The following RNASEK variants were observed in gnomAD, a reference collection of about 807,000 sequenced individuals.
RNASEK encodes ribonuclease kappa.
Under a neutral mutation model 11.2 loss-of-function variants are expected in RNASEK, and 7 were observed. The ratio of observed to expected loss-of-function variants is 0.62; its 90% CI spans 0.35 to 1.17. RNASEK has a LOEUF of 1.17. Ranked by LOEUF, RNASEK falls within the 50% of genes most tolerant of loss-of-function variation. The pLI is 0.02. For synonymous variants in RNASEK, 46 were observed against 49.5 expected, an observed-to-expected ratio of 0.93 and a Z score of 0.30; for missense variants, 101 against 126.7, an observed-to-expected ratio of 0.80 and a Z score of 0.97.
rs1351282238 is a variant in RNASEK, at chr17:7,014,160, C to T, written c.171C>T (p.Asn57=). ...CCACCCCCAGGAATGGCCCCCAGAA[C>T]ATATACAACCTTTACGAGCAAGTCA... The part of the protein sequence containing the change: ...TEKDFENGPQ[N]IYNLYEQVSY... The change falls in exon 3 of 3, where the codon AAC becomes AAT. Residue 57 remains asparagine, a synonymous_variant. Coordinates refer to ENST00000593646, the MANE Select transcript of RNASEK (RefSeq NM_001004333.5). This position sits in a 1 kb window ranked among gnomAD's most constrained non-coding sequence, Gnocchi z 4.5. 2.6e-6 allele frequency: 4 copies of T among 1,560,218 alleles called. No homozygotes were observed. The highest frequency in any genetic ancestry group is 1.9e-5 in the Admixed American group (1 of 51,764).
chr17:7,013,330 C>A, intron 1 of RNASEK: 1 of 1,521,312 alleles, frequency 6.6e-7, no homozygotes, highest in Non-Finnish European at 8.8e-7. Flanking sequence ...AATCCACCCA[C>A]CGCCACTTCA....
In RNASEK at chr17:7,014,323, A is replaced by G. The variant is rs1035001359; in HGVS notation, c.*37A>G. On this transcript the variant is annotated 3_prime_UTR_variant, in exon 3 of 3. Transcript: ENST00000593646. This position sits in a 1 kb window ranked among gnomAD's most constrained non-coding sequence, Gnocchi z 4.5. ...GTTTCCCCGCTCCAGCCCCTCCTCT[A>G]TTTAAAGACTCCCTGCACCGTGTCA... The G allele has an allele frequency of 1.2e-6, 2 of 1,610,166 alleles. No individual in the cohort carries two copies. Among genetic ancestry groups the G allele is most frequent in the African/African-American group, 1.3e-5 (1 of 74,876 alleles).
intron 1 of RNASEK, 200 bp downstream of exon 1, chr17:7,012,961 A>G: frequency 1.7e-6 from 1 of 584,434 alleles, no homozygotes; most frequent in South Asian, 2.1e-5. Flanking sequence ...CCCGTCTCCA[A>G]TAAAAATACA....
At position 7,014,298 on chromosome 17, in the gene RNASEK, G is replaced by A. The variant is rs1455896561; in HGVS notation, c.*12G>A. 1.9e-6 allele frequency: 3 copies of A among 1,613,236 alleles called. No individual in the cohort carries two copies. Among genetic ancestry groups the A allele is most frequent in the Non-Finnish European group, 2.5e-6 (3 of 1,179,728 alleles). On this transcript the variant is annotated 3_prime_UTR_variant, in exon 3 of 3. Coordinates refer to ENST00000593646, the MANE Select transcript of RNASEK (RefSeq NM_001004333.5). The surrounding 1 kb of genome is among the most constrained non-coding windows in gnomAD (Gnocchi z 4.5). ...ACATGGTGCGCTAGGGCCCCGGCGC[G>A]TTTCCCCGCTCCAGCCCCTCCTCTA...
At chr17:7,013,281 T>C in intron 1 of RNASEK, 2 of 1,417,002 alleles carry the variant, frequency 1.4e-6, no homozygotes, top group Non-Finnish European at 1.9e-6. Context: ...AAGAGAGTGC[T>C]TGTTCCAGAA....
rs946423897 is a variant in RNASEK at position 7,014,148 on chromosome 17, T to C, written c.159T>C (p.Asn53=). Residue 53 remains asparagine, a synonymous_variant, in exon 3 of 3, where the codon AAT becomes AAC. Transcript: ENST00000593646. The surrounding 1 kb of genome is among the most constrained non-coding windows in gnomAD (Gnocchi z 4.5). ...DVPFTEKDFE[N]GPQNIYNLYE... ...TTTGCTTCATTCCCACCCCCAGGAA[T>C]GGCCCCCAGAACATATACAACCTTT... 3.2e-6 allele frequency: 5 copies of C among 1,554,892 alleles called. No homozygotes were observed. Among genetic ancestry groups the C allele is most frequent in the Non-Finnish European group, 4.4e-6 (5 of 1,148,734 alleles).
chr17:7,013,252 A>T (rs1477916071), intron 1 of RNASEK: 18 of 1,236,758 alleles, frequency 1.5e-5, no homozygotes, highest in Non-Finnish European at 2.0e-5. Flanking sequence ...CTTGAGTTGA[A>T]TGGAGGACAT....
At position 7,013,695 on chromosome 17, in the gene RNASEK, T is replaced by C; in HGVS notation, c.108T>C (p.His36=). The C allele has an allele frequency of 6.2e-7, 1 of 1,613,886 alleles. No individual in the cohort carries two copies. Among genetic ancestry groups the C allele is most frequent in the Non-Finnish European group, 8.5e-7 (1 of 1,179,742 alleles). The change falls in exon 2 of 3, where the codon CAT becomes CAC. Residue 36 remains histidine, a synonymous_variant. Coordinates refer to ENST00000593646, the MANE Select transcript of RNASEK (RefSeq NM_001004333.5). ...TGCTCGGAATATTTTTCAATGTCCA[T>C]TCCGCTGTGTTGATTGAGGACGTTC... ...LIMLGIFFNV[H]SAVLIEDVPF... is the part of the protein sequence containing the mutation.
At chr17:7,012,952 C>G in intron 1 of RNASEK, 191 bp downstream of exon 1, 1 of 594,922 alleles carries the variant, frequency 1.7e-6, no homozygotes, top group Admixed American at 3.3e-5. Flanking sequence ...TGGTGAAACC[C>G]CGTCTCCAAT....
chr17:7,013,160 C>A, intron 1 of RNASEK: 1 of 542,288 alleles, frequency 1.8e-6, no homozygotes, highest in Non-Finnish European at 3.2e-6. Context: ...GAGCGGAGGG[C>A]CCTGGAGTGG....
intron 1 of RNASEK, chr17:7,013,440 G>C (rs549383061): frequency 1.3e-6 from 2 of 1,537,090 alleles, no homozygotes. Context: ...GGGTTCCTGG[G>C]AGAGATGGCT....
chr17:7,013,907 C>A, intron 2 of RNASEK, 165 bp downstream of exon 2: 1 of 719,442 alleles, frequency 1.4e-6, no homozygotes, highest in Admixed American at 2.5e-5. Flanking sequence ...GGAGTCAGAC[C>A]TCAGCGGCCA....
chr17:7,013,523 G>C, intron 1 of RNASEK, 143 bp from the exon 2 acceptor site: 1 of 1,596,504 alleles, frequency 6.3e-7, no homozygotes, highest in Non-Finnish European at 8.5e-7. Flanking sequence ...CCAGGTGGCT[G>C]AGTCCGAATC....
At position 7,013,758 on chromosome 17, in the gene RNASEK, G is replaced by T. The variant is rs1347333342; in HGVS notation, c.155+16G>T. 6.3e-7 allele frequency: 1 copy of T among 1,579,422 alleles called. No homozygotes were observed. The highest frequency in any genetic ancestry group is 1.1e-5 in the South Asian group (1 of 90,406). On this transcript the variant is annotated intron_variant, in intron 2 of 2. Transcript: ENST00000593646. ...AAGATTTTGAGTAAGTATTCGGGTG[G>T]GGGAGGCGGGCTGGGAGCAGGTGGG...
intron 1 of RNASEK, 110 bp from the exon 2 acceptor site, chr17:7,013,556 G>A (rs1010556241): frequency 1.9e-6 from 3 of 1,608,790 alleles, no homozygotes; most frequent in Non-Finnish European, 2.5e-6. Flanking sequence ...CCTCGTTTTG[G>A]TTAATCTCAG....
intron 1 of RNASEK, chr17:7,013,201 C>A: frequency 1.4e-6 from 1 of 706,756 alleles, no homozygotes; most frequent in Non-Finnish European, 2.3e-6. Flanking sequence ...GGTGGAGACC[C>A]CTCAAGGTAG....
At chr17:7,012,941 A>G (rs1023968699) in intron 1 of RNASEK, 180 bp downstream of exon 1, 1 of 606,392 alleles carries the variant, frequency 1.6e-6, no homozygotes, top group Non-Finnish European at 2.9e-6. Context: ...CCTGACCAAC[A>G]TGGTGAAACC....
intron 1 of RNASEK, 42 bp downstream of exon 1, chr17:7,012,803 G>A: frequency 1.9e-6 from 3 of 1,583,532 alleles, no homozygotes; most frequent in Admixed American, 1.7e-5. Flanking sequence ...GGCCTGAGGG[G>A]CTCCGGGCTG....
chr17:7,013,457 CTA>C (rs1028628636), intron 1 of RNASEK: 1 of 1,539,594 alleles, frequency 6.5e-7, no homozygotes, highest in Admixed American at 2.0e-5. Context: ...GGCTTGGTCA[CTA>C]TTCCCACCCT....
Sources: allele counts gnomAD v4.1 joint callset, GRCh38; gene constraint gnomAD v4.1.1; non-coding constraint Gnocchi (gnomAD v3.1); transcripts MANE v1.5; gene names NCBI Gene and HGNC (gene_info 2026-07-23, HGNC 2026-07-21).